HMGCL: variants seen among roughly 807,000 people sequenced by gnomAD.
The protein encoded by HMGCL is 3-hydroxy-3-methylglutaryl-CoA lyase.
Under a neutral mutation model 37.3 loss-of-function variants are expected in HMGCL, and 26 were observed. The ratio of observed to expected loss-of-function variants is 0.70; its 90% CI spans 0.51 to 0.97. HMGCL has a LOEUF of 0.97. HMGCL is among the 50% of genes least tolerant of loss of function. The pLI, the probability that HMGCL is intolerant of heterozygous loss-of-function variation, is 0.00. For missense variants in HMGCL, 379 were observed against 398.1 expected (o/e 0.95, Z 0.41); for synonymous variants, 151 against 148.0 (o/e 1.02, Z -0.15).
intron 5 of HMGCL, among the ~76,000 whole-genome samples, chr1:23,811,064 G>A (rs1638511573): frequency 1.3e-5 from 2 of 152,140 alleles, no homozygotes; most frequent in South Asian, 4.1e-4. Context: ...TACAATAAGC[G>A]GAGGAGGAGC....
At chr1:23,816,391 G>T in intron 4 of HMGCL, 1 of 471,878 alleles carries the variant, frequency 2.1e-6, no homozygotes, top group Non-Finnish European at 3.9e-6. Flanking sequence ...CATTTATTAA[G>T]CAGTTACCTT....
At chr1:23,817,011 G>A (rs1039852308) in intron 3 of HMGCL, among the ~76,000 whole-genome samples, 1 of 152,156 alleles carries the variant, frequency 6.6e-6, no homozygotes, top group Non-Finnish European at 1.5e-5. Context: ...CTTTACATAT[G>A]CAGAAACAGC....
intron 8 of HMGCL, chr1:23,804,153 C>G: frequency 1.7e-6 from 1 of 574,712 alleles, no homozygotes; most frequent in Non-Finnish European, 3.1e-6. Context: ...CTGTTTCACC[C>G]AGGCTGGAGT....
At chr1:23,823,559 G>A (rs1638760879) in intron 1 of HMGCL, among the ~76,000 whole-genome samples, 1 of 151,878 alleles carries the variant, frequency 6.6e-6, no homozygotes, top group South Asian at 2.1e-4. Context: ...CACCAGGTTG[G>A]CCAGGCTGGT....
chr1:23,806,964 C>G lies in HMGCL; in HGVS notation c.750+1171G>C, dbSNP rs567055206. 2.7e-5 allele frequency: 14 copies of G among 518,874 alleles called. No individual in the cohort carries two copies. The East Asian group carries it at 7.6e-4, about 28-fold the overall frequency. The allele number at this position is 518,874 out of a possible 1,614,324, so 32.1% of individuals were successfully genotyped here. On this transcript the variant is annotated intron_variant, in intron 7 of 8. Coordinates refer to ENST00000374490, the MANE Select transcript of HMGCL (RefSeq NM_000191.3). The surrounding 1 kb of genome is among the most constrained non-coding windows in gnomAD (Gnocchi z 4.0). ...CAGCACTTAACCTGGCACATCGATC[C>G]ATATTTCCGAAGTAACTGATGGAAG...
Position 23,804,524 on chromosome 1 carries a change from A to G in HMGCL, c.752T>C (p.Met251Thr). Residue 251 changes from methionine (M) to threonine (T), a missense_variant and splice_region_variant, in exon 8 of 9, where the codon ATG becomes ACG. Coordinates refer to ENST00000374490, the MANE Select transcript of HMGCL (RefSeq NM_000191.3). ...ALANTLMALQ[M>T]GVSVVDSSVA... ...AGAAGAGTCCACGACACTCACTCCC[A>G]TCTAGAAACATAAGGATGGTGAAAC... 6.2e-7 allele frequency: 1 copy of G among 1,614,136 alleles called. No individual in the cohort carries two copies. Among genetic ancestry groups the G allele is most frequent in the South Asian group, 1.1e-5 (1 of 91,088 alleles).
In HMGCL at chr1:23,802,134, C is replaced by T; in HGVS notation, c.*329G>A. ...GGCCAGGTGGCCAGCTCGCGGATTCCATCCAGAGAGGAGACTCAAGGATCA... is the reference window on the plus strand; with the variant it reads ...GGCCAGGTGGCCAGCTCGCGGATTCTATCCAGAGAGGAGACTCAAGGATCA... On this transcript the variant is annotated 3_prime_UTR_variant, in exon 9 of 9. Coordinates refer to ENST00000374490, the MANE Select transcript of HMGCL (RefSeq NM_000191.3). The T allele has an allele frequency of 1.8e-6, 1 of 560,142 alleles. No homozygotes were observed. The highest frequency in any genetic ancestry group is 3.2e-6 in the Non-Finnish European group (1 of 316,216). 34.7% of individuals were successfully genotyped at this position (560,142 alleles called of 1,614,324 possible).
chr1:23,809,910 G>A (rs1345378206), intron 6 of HMGCL: 4 of 152,556 alleles, frequency 2.6e-5, no homozygotes, highest in African/African-American at 9.7e-5. Context: ...CAGGGTGCAG[G>A]GGAAGGAGCA....
chr1:23,808,335 A>G lies in HMGCL; in HGVS notation c.562-12T>C, dbSNP rs905500194. 1 of 1,612,854 alleles carries G rather than the reference A, an allele frequency of 6.2e-7. No individual in the cohort carries two copies. The highest frequency in any genetic ancestry group is 1.7e-5 in the Admixed American group (1 of 60,018). On this transcript the variant is annotated splice_polypyrimidine_tract_variant and intron_variant, in intron 6 of 8. Coordinates refer to ENST00000374490, the MANE Select transcript of HMGCL (RefSeq NM_000191.3). ...AACTTCTTGGTGACCTAAGGAAGCA[A>G]GCAGGCACTTGGAGGATACAGAATC... is the stretch of plus-strand genomic sequence containing the variant.
At chr1:23,804,587 C>G in intron 7 of HMGCL, 62 bp from the exon 8 acceptor site, 2 of 1,573,854 alleles carry the variant, frequency 1.3e-6, no homozygotes, top group South Asian at 2.2e-5. Flanking sequence ...CAGAGATGAG[C>G]CTTGCAAACC....
intron 5 of HMGCL, chr1:23,813,789 A>T: frequency 3.7e-6 from 1 of 270,940 alleles, no homozygotes; most frequent in South Asian, 4.3e-5. Flanking sequence ...GGATGTGTGA[A>T]GAGCTAGTGA....
At chr1:23,813,689 A>C (rs1435792800) in intron 5 of HMGCL, 2 of 175,394 alleles carry the variant, frequency 1.1e-5, no homozygotes, top group Admixed American at 1.1e-4. Context: ...GTGAGGTTTC[A>C]ATTATTATAG....
rs571405809 is a variant in HMGCL at position 23,806,309 on chromosome 1, ACT to A, written c.751-1786_751-1785del. Among the ~76,000 whole-genome samples the A allele has an allele frequency of 1.1e-3, 162 of 151,806 alleles. 3 individuals are homozygous for A. The South Asian group carries it at 0.016, about 15-fold the overall frequency. Reference sequence around the variant, plus strand: ...ATCTCCCTCCCCGCCCCTGCTCAAGACTCTCTGTTAGCTTCCCAGCTCAGTCT... The same window carrying A: ...ATCTCCCTCCCCGCCCCTGCTCAAGACTCTGTTAGCTTCCCAGCTCAGTCT... On this transcript the variant is annotated intron_variant, in intron 7 of 8. Transcript: ENST00000374490. This position sits in a 1 kb window ranked among gnomAD's most constrained non-coding sequence, Gnocchi z 4.0.
rs983426381 is a variant in HMGCL at position 23,804,914 on chromosome 1, TCTCA to T, written c.751-393_751-390del. Among the ~76,000 whole-genome samples the T allele has an allele frequency of 5.9e-5, 5 of 84,434 alleles. No individual in the cohort carries two copies. In the South Asian group the frequency reaches 1.4e-3, roughly 23 times the overall value. The allele number at this position is 84,434 out of a possible 152,430, so 55.4% of individuals were successfully genotyped here. A position where few individuals can be genotyped will look rare whatever the true frequency, so the allele number is the denominator to read the frequency against. ...TTACCCCCCACCACCTCCAGGCTACTCTCACTCAGTCAGGGCCTTGCCACACGAG... is the reference window on the plus strand; with the variant it reads ...TTACCCCCCACCACCTCCAGGCTACTCTCAGTCAGGGCCTTGCCACACGAG... On this transcript the variant is annotated intron_variant, in intron 7 of 8. Transcript: ENST00000374490.
At chr1:23,802,833 G>A (rs1638310616) in intron 8 of HMGCL, among the ~76,000 whole-genome samples, 1 of 152,138 alleles carries the variant, frequency 6.6e-6, no homozygotes, top group Non-Finnish European at 1.5e-5. Context: ...GTCTTGTTCA[G>A]TACTCCCTCT....
At chr1:23,810,578 T>G (rs1638501565) in intron 6 of HMGCL, 158 bp downstream of exon 6, 8 of 695,022 alleles carry the variant, frequency 1.2e-5, no homozygotes, top group Middle Eastern at 3.1e-4. Flanking sequence ...AGGGAGCAAG[T>G]GCAGGGCTGT....
intron 1 of HMGCL, among the ~76,000 whole-genome samples, 184 bp downstream of exon 1, chr1:23,825,172 T>C (rs1010637244): frequency 6.6e-6 from 1 of 152,180 alleles, no homozygotes; most frequent in Non-Finnish European, 1.5e-5. Flanking sequence ...GGACCTCAGT[T>C]TTCCCATCCC....
At chr1:23,813,826 C>A (rs1037620741) in intron 5 of HMGCL, 1 of 331,868 alleles carries the variant, frequency 3.0e-6, no homozygotes, top group Non-Finnish European at 5.8e-6. Context: ...CTGACCTCCA[C>A]AAACCCGTTA....
At chr1:23,809,966 G>C (rs1392685400) in intron 6 of HMGCL, 2 of 153,422 alleles carry the variant, frequency 1.3e-5, no homozygotes, top group Admixed American at 1.3e-4. Flanking sequence ...TAGTTCTGCT[G>C]TTCACTAGCT....
Sources: allele counts gnomAD v4.1 joint callset (sites outside exome capture counted in the v4.1 genomes callset), GRCh38; gene constraint gnomAD v4.1.1; non-coding constraint Gnocchi (gnomAD v3.1); transcripts MANE v1.5; gene names NCBI Gene and HGNC (gene_info 2026-07-23, HGNC 2026-07-21).